RYR3: variants seen among roughly 807,000 people sequenced by gnomAD.
RYR3 encodes the protein brain ryanodine receptor-calcium release channel.
A neutral mutation model predicts 584.3 loss-of-function variants in RYR3; 207 were observed. The ratio of observed to expected loss-of-function variants is 0.35; its 90% CI spans 0.32 to 0.40. The LOEUF is 0.40. Ranked by LOEUF, RYR3 falls within the 10% of genes least tolerant of loss-of-function variation. The pLI is 1.00. For synonymous variants in RYR3, 2,416 were observed against 2,248.5 expected, an observed-to-expected ratio of 1.07 and a Z score of -2.11; for missense variants, 5,616 against 6,089.2, an observed-to-expected ratio of 0.92 and a Z score of 2.59.
intron 27 of RYR3, among the ~76,000 whole-genome samples, chr15:33,639,654 G>A (rs2061687850): frequency 6.6e-6 from 1 of 152,138 alleles, no homozygotes; most frequent in Non-Finnish European, 1.5e-5. Flanking sequence ...GTGGGAGCTG[G>A]GCCATGGGAA....
intron 94 of RYR3, 58 bp from the exon 95 acceptor site, chr15:33,852,987 G>A: frequency 6.9e-7 from 1 of 1,445,386 alleles, no homozygotes; most frequent in South Asian, 1.2e-5. Context: ...AACGTTTCTT[G>A]ATGTGTTTTC....
intron 81 of RYR3, 22 bp downstream of exon 81, chr15:33,823,094 T>C (rs1362126936): frequency 1.9e-6 from 3 of 1,599,368 alleles, no homozygotes; most frequent in Non-Finnish European, 2.6e-6. Context: ...AAAACTACCA[T>C]AGCATTTAAA....
chr15:33,794,230 T>TAATATAG (rs1567185002), intron 67 of RYR3, among the ~76,000 whole-genome samples: 2 of 106,654 alleles, frequency 1.9e-5, no homozygotes, highest in Non-Finnish European at 3.9e-5. Flanking sequence ...TAAATATATA[T>TAATATAG]AAATATATAT....
intron 19 of RYR3, among the ~76,000 whole-genome samples, chr15:33,619,675 A>G (rs866656924): frequency 1.1e-4 from 16 of 152,220 alleles, no homozygotes; most frequent in African/African-American, 2.9e-4. Context: ...CAAAATTTGT[A>G]TTCAGTTTAC....
chr15:33,692,470 T>TTC (rs1425042449), intron 38 of RYR3, among the ~76,000 whole-genome samples: 1 of 152,138 alleles, frequency 6.6e-6, no homozygotes, highest in African/African-American at 2.4e-5. Context: ...TAGTTATTGT[T>TTC]TCTCTCACTT....
chr15:33,416,933 T>G (rs1340278470), intron 1 of RYR3, among the ~76,000 whole-genome samples: 1 of 152,174 alleles, frequency 6.6e-6, no homozygotes, highest in East Asian at 1.9e-4. Flanking sequence ...CCAGCACCAT[T>G]TATTAAATAG....
intron 2 of RYR3, among the ~76,000 whole-genome samples, chr15:33,474,844 C>T (rs572906611): frequency 5.9e-5 from 9 of 152,320 alleles, no homozygotes; most frequent in Admixed American, 2.0e-4. Flanking sequence ...GTGATGGCCA[C>T]GTCCTCCAGA....
At chr15:33,587,830 T>C (rs1368912153) in intron 16 of RYR3, among the ~76,000 whole-genome samples, 2 of 152,190 alleles carry the variant, frequency 1.3e-5, no homozygotes, top group Non-Finnish European at 2.9e-5. Flanking sequence ...AAACCATCAC[T>C]AATGTATTTG....
intron 70 of RYR3, among the ~76,000 whole-genome samples, chr15:33,809,612 CTTTTT>C (rs34554811): frequency 5.3e-5 from 7 of 132,296 alleles, no homozygotes; most frequent in Non-Finnish European, 1.1e-4. Flanking sequence ...TCCTCTCTCT[CTTTTT>C]TTTTTTTTTT....
intron 1 of RYR3, among the ~76,000 whole-genome samples, chr15:33,421,870 TAA>T (rs922221842): frequency 1.1e-4 from 17 of 152,292 alleles, no homozygotes; most frequent in East Asian, 5.8e-4. Flanking sequence ...GGATGAATTT[TAA>T]AAGAGGTTTA....
At chr15:33,724,464 A>G (rs922092443) in intron 45 of RYR3, among the ~76,000 whole-genome samples, 1 of 152,126 alleles carries the variant, frequency 6.6e-6, no homozygotes, top group African/African-American at 2.4e-5. Context: ...ACATGCCTCA[A>G]TTTGGTCAAA....
chr15:33,376,624 A>G (rs55905058), intron 1 of RYR3, among the ~76,000 whole-genome samples: 24,297 of 152,162 alleles, frequency 0.16, 2,249 homozygotes, highest in African/African-American at 0.25. Context: ...ATAACAGCCA[A>G]CACTTGCAGC....
chr15:33,838,026 G>A lies in RYR3; in HGVS notation c.12046G>A (p.Asp4016Asn), dbSNP rs749178775. 6.2e-7 allele frequency: 1 copy of A among 1,613,964 alleles called. No homozygotes were observed. Among genetic ancestry groups the A allele is most frequent in the East Asian group, 2.2e-5 (1 of 44,880 alleles). ...CGATTCCCGCCTGAAGTGTCTGTTGGACCCAGCAGAAAGTGTGCTAAATTA... is the reference window on the plus strand; with the variant it reads ...CGATTCCCGCCTGAAGTGTCTGTTGAACCCAGCAGAAAGTGTGCTAAATTA... The part of the protein sequence containing the change: ...PNDSRLKCLL[D>N]PAESVLNYFE... Residue 4016 changes from aspartate (D) to asparagine (N), a missense_variant, in exon 89 of 104, where the codon GAC becomes AAC. Asp to Asn is a conservative substitution (Grantham distance 23). Around this residue, in one of 9 missense-constraint regions of RYR3, gnomAD observed 258 missense variants for 297.3 expected, o/e 0.87. Transcript: ENST00000634891.
intron 42 of RYR3, among the ~76,000 whole-genome samples, chr15:33,702,140 C>T (rs1396380346): frequency 6.6e-6 from 1 of 152,144 alleles, no homozygotes; most frequent in Non-Finnish European, 1.5e-5. Context: ...TCCTCAGTGT[C>T]ATGCGGTTAG....
At chr15:33,483,717 C>CT (rs1376321390) in intron 2 of RYR3, among the ~76,000 whole-genome samples, 2 of 152,142 alleles carry the variant, frequency 1.3e-5, no homozygotes, top group African/African-American at 4.8e-5. Flanking sequence ...GCAATGCTGT[C>CT]TTATATAGCT....
chr15:33,764,837 C>A (rs529096967), intron 60 of RYR3, among the ~76,000 whole-genome samples: 167 of 151,992 alleles, frequency 1.1e-3, no homozygotes, highest in Non-Finnish European at 2.1e-3. Context: ...TTGAGACTAG[C>A]CTGACTAACA....
chr15:33,516,658 C>T (rs1018641261), intron 3 of RYR3, among the ~76,000 whole-genome samples: 5 of 152,146 alleles, frequency 3.3e-5, no homozygotes, highest in African/African-American at 9.6e-5. Context: ...TTTAAATGCA[C>T]TCACTTGATC....
At chr15:33,490,724 C>T (rs1045282556) in intron 2 of RYR3, among the ~76,000 whole-genome samples, 3 of 141,534 alleles carry the variant, frequency 2.1e-5, no homozygotes, top group Non-Finnish European at 4.6e-5. Flanking sequence ...AAGTAAACAG[C>T]TAAAGAGTAT....
intron 33 of RYR3, 117 bp from the exon 34 acceptor site, chr15:33,660,080 G>A (rs1231398598): frequency 5.7e-6 from 4 of 699,694 alleles, no homozygotes; most frequent in Non-Finnish European, 9.8e-6. Context: ...AGCCCTTAGA[G>A]ATCCCTGGAT....
Sources: allele counts gnomAD v4.1 joint callset (sites outside exome capture counted in the v4.1 genomes callset), GRCh38; gene constraint gnomAD v4.1.1; regional missense constraint gnomAD v4.1.1; transcripts MANE v1.5; gene names NCBI Gene and HGNC (gene_info 2026-07-23, HGNC 2026-07-21).